HECW1: variants seen among roughly 807,000 people sequenced by gnomAD.
The protein encoded by HECW1 is HECT, C2 and WW domain containing E3 ubiquitin protein ligase 1.
A neutral mutation model predicts 182.3 loss-of-function variants in HECW1; 61 were observed. The observed-to-expected ratio is 0.33, with a 90% CI of 0.27 to 0.41. HECW1 has a LOEUF of 0.41. Among genes scored for constraint, HECW1 ranks in the 10% least tolerant of loss-of-function variants. HECW1 has a pLI of 1.00. For missense variants in HECW1, 1,739 were observed against 2,108.9 expected, an observed-to-expected ratio of 0.82 and a Z score of 3.44; for synonymous variants, 859 against 832.6, an observed-to-expected ratio of 1.03 and a Z score of -0.55.
intron 6 of HECW1, among the ~76,000 whole-genome samples, chr7:43,367,377 C>A (rs1816788659): frequency 6.6e-6 from 1 of 152,160 alleles, no homozygotes. Context: ...GAGACTTAGT[C>A]CCTAATATTC....
chr7:43,222,768 T>G (rs1370542835), intron 2 of HECW1, among the ~76,000 whole-genome samples: 1 of 152,164 alleles, frequency 6.6e-6, no homozygotes, highest in Non-Finnish European at 1.5e-5. Flanking sequence ...GATGCCTGTT[T>G]CCTTTGCAGG....
intron 3 of HECW1, 162 bp from the exon 4 acceptor site, chr7:43,311,601 C>T: frequency 1.3e-6 from 1 of 784,418 alleles, no homozygotes; most frequent in Non-Finnish European, 2.3e-6. Flanking sequence ...GAGCTGCAGC[C>T]TTTGTCACGA....
At chr7:43,523,660 C>T (rs2080623439) in intron 24 of HECW1, among the ~76,000 whole-genome samples, 1 of 152,068 alleles carries the variant, frequency 6.6e-6, no homozygotes, top group Non-Finnish European at 1.5e-5. Flanking sequence ...AAAGAGTCAG[C>T]CCCTTTTTCC....
chr7:43,373,175 CA>C (rs67534831), intron 6 of HECW1, among the ~76,000 whole-genome samples: 4,994 of 150,520 alleles, frequency 0.033, 95 homozygotes, highest in Middle Eastern at 0.045. Flanking sequence ...GCTGCCCATG[CA>C]CGTTGGTGTC....
intron 6 of HECW1, among the ~76,000 whole-genome samples, chr7:43,368,545 G>C (rs528250111): frequency 1.3e-5 from 2 of 152,310 alleles, no homozygotes; most frequent in Admixed American, 1.3e-4. Flanking sequence ...AGAACAGAAA[G>C]AAAGGGAAGG....
At chr7:43,492,941 G>A (rs2078985147) in intron 18 of HECW1, 143 bp from the exon 19 acceptor site, 2 of 553,920 alleles carry the variant, frequency 3.6e-6, no homozygotes, top group Non-Finnish European at 6.4e-6. Context: ...AAACTCTCAA[G>A]AGCTTGCATT....
At chr7:43,314,651 C>T (rs1297185206) in intron 4 of HECW1, among the ~76,000 whole-genome samples, 1 of 152,186 alleles carries the variant, frequency 6.6e-6, no homozygotes, top group Non-Finnish European at 1.5e-5. Flanking sequence ...CTTAATTTGA[C>T]AGTTTGTTAT....
At chr7:43,214,978 T>G (rs1024104094) in intron 2 of HECW1, among the ~76,000 whole-genome samples, 1 of 152,186 alleles carries the variant, frequency 6.6e-6, no homozygotes, top group Non-Finnish European at 1.5e-5. Context: ...AAGAGCAAAG[T>G]GGGACAGAAG....
chr7:43,359,590 A>T (rs1037735136), intron 5 of HECW1, among the ~76,000 whole-genome samples: 9 of 152,336 alleles, frequency 5.9e-5, no homozygotes, highest in East Asian at 1.9e-4. Flanking sequence ...TCAATTTTTT[A>T]AAAAAGCAAA....
intron 3 of HECW1, among the ~76,000 whole-genome samples, chr7:43,298,454 C>T (rs759473161): frequency 1.1e-4 from 16 of 152,266 alleles, no homozygotes; most frequent in Middle Eastern, 3.4e-3. Flanking sequence ...TAACTGCCTC[C>T]AAGTAGTATT....
intron 13 of HECW1, among the ~76,000 whole-genome samples, chr7:43,461,358 A>G (rs2077576120): frequency 6.6e-6 from 1 of 152,256 alleles, no homozygotes; most frequent in South Asian, 2.1e-4. Flanking sequence ...TACAAACTCT[A>G]TTAGTCAAGG....
intron 5 of HECW1, among the ~76,000 whole-genome samples, chr7:43,352,052 C>T (rs1033661074): frequency 1.3e-5 from 2 of 152,280 alleles, no homozygotes; most frequent in African/African-American, 4.8e-5. Flanking sequence ...TTTTCAGCTT[C>T]TCAGCCTCTC....
At chr7:43,128,321 C>G (rs1786509813) in intron 2 of HECW1, among the ~76,000 whole-genome samples, 1 of 152,190 alleles carries the variant, frequency 6.6e-6, no homozygotes, top group Non-Finnish European at 1.5e-5. Context: ...GCTAATGCAG[C>G]TGGTGACTAA....
chr7:43,325,710 GC>G (rs1024413920), intron 5 of HECW1, among the ~76,000 whole-genome samples: 1 of 152,090 alleles, frequency 6.6e-6, no homozygotes, highest in Non-Finnish European at 1.5e-5. Flanking sequence ...TCCGTGCCTT[GC>G]CCTAGTGTCC....
chr7:43,338,081 A>T (rs565641492), intron 5 of HECW1, among the ~76,000 whole-genome samples: 1 of 152,238 alleles, frequency 6.6e-6, no homozygotes, highest in South Asian at 2.1e-4. Flanking sequence ...TATTCTCTCC[A>T]CTTAGATTGA....
intron 3 of HECW1, among the ~76,000 whole-genome samples, chr7:43,303,152 C>T (rs372611971): frequency 2.6e-5 from 4 of 152,272 alleles, no homozygotes; most frequent in South Asian, 2.1e-4. Flanking sequence ...TCAGCAACTT[C>T]GCTGCTGAAC....
At chr7:43,533,885 T>A (rs187441548) in intron 24 of HECW1, among the ~76,000 whole-genome samples, 5 of 152,196 alleles carry the variant, frequency 3.3e-5, no homozygotes, top group Admixed American at 2.6e-4. Context: ...CTGTGATGCA[T>A]CAAAAGATGC....
intron 3 of HECW1, among the ~76,000 whole-genome samples, chr7:43,259,490 G>A (rs1246970509): frequency 2.6e-5 from 4 of 152,044 alleles, no homozygotes; most frequent in African/African-American, 9.7e-5. Flanking sequence ...AACAGAAGCA[G>A]GCCCACAGAT....
intron 17 of HECW1, among the ~76,000 whole-genome samples, chr7:43,490,078 C>T (rs1322291583): frequency 6.6e-6 from 1 of 152,174 alleles, no homozygotes; most frequent in Non-Finnish European, 1.5e-5. Context: ...AGGATGCCTT[C>T]ATACTTTTGA....
Sources: allele counts gnomAD v4.1 joint callset (sites outside exome capture counted in the v4.1 genomes callset), GRCh38; gene constraint gnomAD v4.1.1; transcripts MANE v1.5; gene names NCBI Gene and HGNC (gene_info 2026-07-23, HGNC 2026-07-21).